SEC14L4: variants seen among roughly 807,000 people sequenced by gnomAD.
SEC14L4 encodes SEC14-like protein 4.
A neutral mutation model predicts 55.1 loss-of-function variants in SEC14L4; 42 were observed. That is an observed-to-expected ratio of 0.76 (90% CI 0.60 to 0.99). The LOEUF is 0.99. Ranked by LOEUF, SEC14L4 falls within the 50% of genes least tolerant of loss-of-function variation. The pLI, the probability that SEC14L4 is intolerant of heterozygous loss-of-function variation, is 0.00. For missense variants in SEC14L4, 445 were observed against 512.1 expected (o/e 0.87, Z 1.27); for synonymous variants, 206 against 206.8 (o/e 1.00, Z 0.03).
chr22:30,490,063 G>A lies in SEC14L4; in HGVS notation c.*44C>T. The A allele has an allele frequency of 6.2e-7, 1 of 1,605,828 alleles. No homozygotes were observed. Among genetic ancestry groups the A allele is most frequent in the Non-Finnish European group, 8.5e-7 (1 of 1,175,076 alleles). On this transcript the variant is annotated 3_prime_UTR_variant, in exon 12 of 12. Transcript: ENST00000255858. ...TGGGAAGGCAGGGGTCAGAGGGGTG[G>A]GTGTGAAGGGGTTGGAGTGCACAGG... is the stretch of plus-strand genomic sequence containing the variant.
chr22:30,495,070 G>T, intron 5 of SEC14L4, 109 bp from the exon 6 acceptor site: 1 of 960,410 alleles, frequency 1.0e-6, no homozygotes, highest in Non-Finnish European at 1.5e-6. Flanking sequence ...CCCTCTGGCA[G>T]CCCACAGCGT....
rs776073956 is a variant in SEC14L4 at position 30,505,561 on chromosome 22, G to T, written c.51C>A (p.Ala17=). 4 of 1,567,356 alleles carry T rather than the reference G, an allele frequency of 2.6e-6. No individual in the cohort carries two copies. In the Admixed American group the frequency reaches 7.4e-5, roughly 29 times the overall value. Residue 17 remains alanine (A), a synonymous_variant, in exon 1 of 12, where the codon GCC becomes GCA. Coordinates refer to ENST00000255858, the MANE Select transcript of SEC14L4 (RefSeq NM_174977.4). ...CCCAGCCCGCGATGCTCCTCACCCTGGCCAGCGCTTCCTGCTGCTGGGGGC... is the reference window on the plus strand; with the variant it reads ...CCCAGCCCGCGATGCTCCTCACCCTTGCCAGCGCTTCCTGCTGCTGGGGGC... ...DLSPQQQEAL[A]RFRENLQDLL...
intron 2 of SEC14L4, among the ~76,000 whole-genome samples, chr22:30,501,229 G>A (rs1052819474): frequency 2.6e-5 from 4 of 152,032 alleles, no homozygotes; most frequent in East Asian, 1.9e-4. Flanking sequence ...TGAAGTGGAC[G>A]ACGGGGCCAT....
chr22:30,490,540 G>C (rs1440749707), intron 11 of SEC14L4, among the ~76,000 whole-genome samples: 1 of 152,214 alleles, frequency 6.6e-6, no homozygotes, highest in African/African-American at 2.4e-5. Context: ...GGAGCAGGCG[G>C]CCTGGGAACG....
At chr22:30,499,751 A>G (rs1168133998) in intron 2 of SEC14L4, among the ~76,000 whole-genome samples, 1 of 152,108 alleles carries the variant, frequency 6.6e-6, no homozygotes, top group African/African-American at 2.4e-5. Flanking sequence ...AAAAATGATA[A>G]TAATAAAATG....
chr22:30,501,708 C>A (rs892009626), intron 2 of SEC14L4, among the ~76,000 whole-genome samples: 3 of 151,772 alleles, frequency 2.0e-5, no homozygotes, highest in Non-Finnish European at 4.4e-5. Context: ...CCATCATCAT[C>A]ATAAGAAGAA....
At position 30,491,946 on chromosome 22, in the gene SEC14L4, T is replaced by G; in HGVS notation, c.799A>C (p.Ser267Arg). ...KINYGGEVPK[S>R]YYLCEQVRLQ... The stretch of plus-strand genomic sequence containing the variant: ...CTCACCTGCTCGCACAGGTAGTAGC[T>G]CTTGGGCACCTCACCCCCATAGTTG... The change falls in exon 10 of 12, where the codon AGC becomes CGC. Residue 267 changes from serine to arginine, a missense_variant. Ser to Arg is a moderately radical substitution (Grantham distance 110). Coordinates refer to ENST00000255858, the MANE Select transcript of SEC14L4 (RefSeq NM_174977.4). 6.2e-7 allele frequency: 1 copy of G among 1,613,896 alleles called. No homozygotes were observed. The highest frequency in any genetic ancestry group is 1.3e-5 in the African/African-American group (1 of 74,978).
At chr22:30,495,674 T>C (rs1334885370) in intron 3 of SEC14L4, 32 bp from the exon 4 acceptor site, 1 of 1,613,838 alleles carries the variant, frequency 6.2e-7, no homozygotes, top group Non-Finnish European at 8.5e-7. Context: ...TATAGGATTT[T>C]GCAGGAACCT....
chr22:30,503,893 A>G (rs1033874982), intron 1 of SEC14L4, 141 bp from the exon 2 acceptor site: 6 of 570,018 alleles, frequency 1.1e-5, no homozygotes, highest in Non-Finnish European at 1.8e-5. Context: ...CGACTTTGCC[A>G]TCTGAAAATA....
chr22:30,494,302 C>T (rs1271840687), intron 6 of SEC14L4, 92 bp from the exon 7 acceptor site: 4 of 952,718 alleles, frequency 4.2e-6, no homozygotes, highest in Non-Finnish European at 6.9e-6. Flanking sequence ...AGACAAGAGG[C>T]CCATCCCTGG....
At chr22:30,490,403 G>T in intron 11 of SEC14L4, 157 bp from the exon 12 acceptor site, 1 of 1,243,628 alleles carries the variant, frequency 8.0e-7, no homozygotes, top group Non-Finnish European at 1.1e-6. Context: ...GTCCAGGACA[G>T]TGGGTGGGGC....
chr22:30,499,609 C>T (rs1323622308), intron 2 of SEC14L4, among the ~76,000 whole-genome samples: 2 of 151,164 alleles, frequency 1.3e-5, no homozygotes, highest in East Asian at 4.1e-4. Context: ...TGTGGTGGCT[C>T]ATGCCTGTAA....
intron 1 of SEC14L4, among the ~76,000 whole-genome samples, chr22:30,505,251 G>GC (rs1936453858): frequency 6.6e-6 from 1 of 151,962 alleles, no homozygotes; most frequent in Non-Finnish European, 1.5e-5. Flanking sequence ...ACCCAAGGCT[G>GC]CCCCCGCAGC....
intron 2 of SEC14L4, among the ~76,000 whole-genome samples, chr22:30,500,564 G>A (rs922585700): frequency 6.6e-6 from 1 of 151,384 alleles, no homozygotes; most frequent in African/African-American, 2.4e-5. Flanking sequence ...ATATGGTTTC[G>A]TCATGTTGCC....
At position 30,491,948 on chromosome 22, in the gene SEC14L4, T is replaced by C. The variant is rs529136052; in HGVS notation, c.797A>G (p.Lys266Arg). The C allele has an allele frequency of 1.9e-6, 3 of 1,614,010 alleles. No homozygotes were observed. In the Admixed American group the frequency reaches 5.0e-5, roughly 27 times the overall value. The change falls in exon 10 of 12, where the codon AAG (lysine) becomes AGG (arginine). Residue 266 changes from lysine to arginine, a missense_variant. Physicochemically the swap from Lys to Arg is conservative, Grantham distance 26. Coordinates refer to ENST00000255858, the MANE Select transcript of SEC14L4 (RefSeq NM_174977.4). The part of the protein sequence containing the change: ...TKINYGGEVP[K>R]SYYLCEQVRL... ...CACCTGCTCGCACAGGTAGTAGCTC[T>C]TGGGCACCTCACCCCCATAGTTGAT...
intron 11 of SEC14L4, among the ~76,000 whole-genome samples, chr22:30,490,624 G>A (rs1935923173): frequency 6.6e-6 from 1 of 152,220 alleles, no homozygotes; most frequent in Non-Finnish European, 1.5e-5. Context: ...TCCTCGCCTA[G>A]TTGCGGTTGC....
At chr22:30,492,439 G>C in intron 8 of SEC14L4, 35 bp downstream of exon 8, 3 of 1,563,678 alleles carry the variant, frequency 1.9e-6, no homozygotes, top group Non-Finnish European at 2.6e-6. Context: ...TGCTTCCCAG[G>C]CAGATGGACA....
At position 30,490,254 on chromosome 22, in the gene SEC14L4, G is replaced by A. The variant is rs780507558; in HGVS notation, c.1082-8C>T. 1 of 1,612,234 alleles carries A rather than the reference G, an allele frequency of 6.2e-7. No individual in the cohort carries two copies. Among genetic ancestry groups the A allele is most frequent in the African/African-American group, 1.3e-5 (1 of 74,932 alleles). On this transcript the variant is annotated splice_region_variant and splice_polypyrimidine_tract_variant and intron_variant, in intron 11 of 11. Transcript: ENST00000255858. The stretch of plus-strand genomic sequence containing the variant: ...TGTCGAAGCGCAGGACATCTGCAGT[G>A]ATGGAGAGGTGATCAGGGAGCACAA...
intron 7 of SEC14L4, chr22:30,492,792 G>A (rs1936007510): frequency 4.3e-6 from 2 of 468,774 alleles, no homozygotes; most frequent in Non-Finnish European, 7.8e-6. Context: ...TTCAATAAAT[G>A]GTTGTCTCAG....
Sources: allele counts gnomAD v4.1 joint callset (sites outside exome capture counted in the v4.1 genomes callset), GRCh38; gene constraint gnomAD v4.1.1; transcripts MANE v1.5; gene names NCBI Gene and HGNC (gene_info 2026-07-23, HGNC 2026-07-21).